Variants in ADAM23 observed in about 807,000 individuals in gnomAD.
The protein encoded by ADAM23 is disintegrin and metalloproteinase domain-containing protein 23.
A neutral mutation model predicts 120.1 loss-of-function variants in ADAM23; 33 were observed. The observed-to-expected ratio is 0.27, with a 90% CI of 0.21 to 0.37. The LOEUF (loss-of-function observed/expected upper bound fraction) is 0.37. Among genes scored for constraint, ADAM23 ranks in the 10% least tolerant of loss-of-function variants. The pLI is 1.00. For synonymous variants in ADAM23, 367 were observed against 375.2 expected, an observed-to-expected ratio of 0.98 and a Z score of 0.25; for missense variants, 862 against 1,058.2, an observed-to-expected ratio of 0.81 and a Z score of 2.57.
At chr2:206,526,790 T>A (rs1270480035) in intron 3 of ADAM23, among the ~76,000 whole-genome samples, 1 of 152,260 alleles carries the variant, frequency 6.6e-6, no homozygotes, top group Non-Finnish European at 1.5e-5. Context: ...GACCTGATTC[T>A]TGGCTCATTT....
chr2:206,596,256 A>G lies in ADAM23; in HGVS notation c.2359+94A>G, dbSNP rs141358297. 2.5e-4 allele frequency: 219 copies of G among 880,538 alleles called. 2 individuals carry two copies. In the East Asian group the frequency reaches 5.7e-3, roughly 23 times the overall value. 54.5% of individuals were successfully genotyped at this position (880,538 alleles called of 1,614,324 possible). A position where few individuals can be genotyped will look rare whatever the true frequency, so the allele number is the denominator to read the frequency against. ...AACATTCTAATTGACTTAAGAGGAG[A>G]CACATAAGAATATCTGTTTTTGCCT... On this transcript the variant is annotated intron_variant, in intron 24 of 25. Transcript: ENST00000264377.
chr2:206,592,970 T>TTGTAGTA (rs1698453683), intron 22 of ADAM23, among the ~76,000 whole-genome samples: 1 of 152,318 alleles, frequency 6.6e-6, no homozygotes, highest in East Asian at 1.9e-4. Flanking sequence ...AATATGGCCT[T>TTGTAGTA]CTTTGTCATC....
intron 2 of ADAM23, among the ~76,000 whole-genome samples, chr2:206,469,525 T>C (rs1695610657): frequency 6.6e-6 from 1 of 152,206 alleles, no homozygotes; most frequent in South Asian, 2.1e-4. Context: ...GCTACTCTGC[T>C]TCTCCCTTGC....
intron 24 of ADAM23, among the ~76,000 whole-genome samples, chr2:206,600,148 G>A (rs974162878): frequency 1.3e-5 from 2 of 152,194 alleles, no homozygotes; most frequent in African/African-American, 4.8e-5. Flanking sequence ...CTTGCAGTGA[G>A]CTGAGATCGC....
At position 206,498,541 on chromosome 2, in the gene ADAM23, A is replaced by G. The variant is rs552739156; in HGVS notation, c.509+17233A>G. Among the ~76,000 whole-genome samples the G allele has an allele frequency of 7.8e-4, 119 of 152,350 alleles. 1 individual carries two copies. The highest frequency in any genetic ancestry group is 2.6e-3 in the African/African-American group (108 of 41,586). On this transcript the variant is annotated intron_variant, in intron 3 of 25. Transcript: ENST00000264377. ...ACTTACATGTTAGACCTAAAACCATAAAAACCCTACAAGAAAACCTAGGCA... is the reference window on the plus strand; with the variant it reads ...ACTTACATGTTAGACCTAAAACCATGAAAACCCTACAAGAAAACCTAGGCA...
At chr2:206,525,164 C>T (rs544025007) in intron 3 of ADAM23, among the ~76,000 whole-genome samples, 18 of 152,214 alleles carry the variant, frequency 1.2e-4, no homozygotes, top group African/African-American at 4.3e-4. Context: ...AGTTGTTAGG[C>T]CTTGGTGCTT....
At chr2:206,527,934 T>A (rs1202077195) in intron 3 of ADAM23, among the ~76,000 whole-genome samples, 2 of 152,186 alleles carry the variant, frequency 1.3e-5, no homozygotes, top group Non-Finnish European at 2.9e-5. Context: ...TTTAAGATTC[T>A]AAAATGCCAG....
chr2:206,481,876 A>G (rs139115697), intron 3 of ADAM23, among the ~76,000 whole-genome samples: 132 of 152,348 alleles, frequency 8.7e-4, no homozygotes, highest in African/African-American at 3.0e-3. Context: ...AATCAGTTGT[A>G]CAGATGTCTT....
Position 206,608,085 on chromosome 2 carries a change from A to T in ADAM23, c.2360-1825A>T, listed in dbSNP as rs560084057. The T allele has an allele frequency of 1.1e-4, 40 of 353,498 alleles. No homozygotes were observed. The East Asian group carries it at 3.4e-3, about 30-fold the overall frequency. The allele number at this position is 353,498 out of a possible 1,614,324, so 21.9% of individuals were successfully genotyped here. A position where few individuals can be genotyped will look rare whatever the true frequency, so the allele number is the denominator to read the frequency against. The stretch of plus-strand genomic sequence containing the variant: ...TGAATTGTGGGGAGGAAATACATGT[A>T]AGTAGAATAAAGTTTCTCTAAAACA... On this transcript the variant is annotated intron_variant, in intron 24 of 25. Coordinates refer to ENST00000264377, the MANE Select transcript of ADAM23 (RefSeq NM_003812.4).
chr2:206,558,925 GTT>G (rs869117007), intron 10 of ADAM23, among the ~76,000 whole-genome samples: 2 of 98,270 alleles, frequency 2.0e-5, no homozygotes, highest in African/African-American at 5.8e-5. Context: ...ATTGGTTTTT[GTT>G]TGTTTGTTTG....
At chr2:206,512,699 T>A (rs570965395) in intron 3 of ADAM23, among the ~76,000 whole-genome samples, 1 of 152,290 alleles carries the variant, frequency 6.6e-6, no homozygotes, top group East Asian at 1.9e-4. Flanking sequence ...TTGAACTATA[T>A]AAAATGAGTG....
Position 206,455,554 on chromosome 2 carries a change from C to T in ADAM23, c.432+10030C>T, listed in dbSNP as rs567838372. On this transcript the variant is annotated intron_variant, in intron 2 of 25. Coordinates refer to ENST00000264377, the MANE Select transcript of ADAM23 (RefSeq NM_003812.4). ...TGTTTTCTGCCACATGGTCAGGCTG[C>T]AAATTTTCCAAACGTTTATGCTCTG... 1.8e-4 allele frequency among the ~76,000 whole-genome samples: 28 copies of T among 152,316 alleles called. No individual in the cohort carries two copies. In the Middle Eastern group the frequency reaches 0.01, roughly 56 times the overall value.
At chr2:206,588,041 G>C in intron 19 of ADAM23, 50 bp from the exon 20 acceptor site, 1 of 1,593,792 alleles carries the variant, frequency 6.3e-7, no homozygotes, top group Non-Finnish European at 8.6e-7. Context: ...AAAAACATTG[G>C]GGAAGACAAA....
Position 206,620,452 on chromosome 2 carries a change from A to G in ADAM23, c.*2825A>G, listed in dbSNP as rs1308380297. The G allele has an allele frequency of 6.6e-6, 1 of 152,204 alleles. No individual in the cohort carries two copies. The highest frequency in any genetic ancestry group is 1.5e-5 in the Non-Finnish European group (1 of 68,026). The allele number at this position is 152,204 out of a possible 1,614,324, so 9.4% of individuals were successfully genotyped here. A position where few individuals can be genotyped will look rare whatever the true frequency, so the allele number is the denominator to read the frequency against. On this transcript the variant is annotated 3_prime_UTR_variant, in exon 26 of 26. Transcript: ENST00000264377. The stretch of plus-strand genomic sequence containing the variant: ...GATTATAATTATTTTTGATGGTATT[A>G]GGTTATGTAGTTTCAAACTCTTTGC...
In ADAM23 at chr2:206,573,120, G is replaced by A; in HGVS notation, c.1662G>A (p.Gln554=). Residue 554 remains glutamine (Q), a synonymous_variant, in exon 18 of 26, where the codon CAG becomes CAA. Transcript: ENST00000264377. ...PCCNNTSCLF[Q]PRGYECRDAV... is the part of the protein sequence containing the mutation. ...TATTGAATTTTGATTTGCAGTTTCA[G>A]CCACGAGGGTATGAATGCCGGGATG... 1 of 1,613,938 alleles carries A rather than the reference G, an allele frequency of 6.2e-7. No homozygotes were observed. The highest frequency in any genetic ancestry group is 8.5e-7 in the Non-Finnish European group (1 of 1,179,872).
At chr2:206,459,090 T>C (rs1023574868) in intron 2 of ADAM23, among the ~76,000 whole-genome samples, 2 of 152,220 alleles carry the variant, frequency 1.3e-5, no homozygotes, top group African/African-American at 4.8e-5. Flanking sequence ...GCTAAAATTA[T>C]GAGAGTTAGT....
chr2:206,455,160 T>C (rs1029403413), intron 2 of ADAM23, among the ~76,000 whole-genome samples: 2 of 152,278 alleles, frequency 1.3e-5, no homozygotes, highest in African/African-American at 4.8e-5. Flanking sequence ...GTACATCCTC[T>C]GAAATCTAGG....
At chr2:206,537,971 T>G (rs1697213647) in intron 4 of ADAM23, among the ~76,000 whole-genome samples, 1 of 152,174 alleles carries the variant, frequency 6.6e-6, no homozygotes, top group Non-Finnish European at 1.5e-5. Context: ...ATATTGACCT[T>G]CCTGGCAACA....
chr2:206,578,388 A>G (rs1247754822), intron 18 of ADAM23, among the ~76,000 whole-genome samples: 1 of 150,382 alleles, frequency 6.6e-6, no homozygotes, highest in Non-Finnish European at 1.5e-5. Context: ...AGTCCATTGT[A>G]TCATTATCAT....
Sources: gnomAD v4.1 joint callset for allele counts (sites outside exome capture counted in the v4.1 genomes callset) on GRCh38, gnomAD v4.1.1 for gene constraint, MANE v1.5 for transcripts, NCBI Gene and HGNC (gene_info 2026-07-23, HGNC 2026-07-21) for gene names.